Variants in C10orf90 observed in about 807,000 individuals in gnomAD.
C10orf90 encodes the protein (E2-independent) E3 ubiquitin-conjugating enzyme FATS.
C10orf90 carries 56 observed loss-of-function variants against 62.5 expected under a neutral mutation model. The ratio of observed to expected loss-of-function variants is 0.90; its 90% confidence interval spans 0.72 to 1.12. C10orf90 has a LOEUF of 1.12. C10orf90 is among the 50% of genes most tolerant of loss of function. C10orf90 has a pLI of 0.00. For missense variants in C10orf90, 970 were observed against 880.4 expected (o/e 1.10, Z -1.29); for synonymous variants, 386 against 340.4 (o/e 1.13, Z -1.47).
At chr10:126,555,447 C>A (rs946433312) in intron 2 of C10orf90, among the ~76,000 whole-genome samples, 1 of 151,582 alleles carries the variant, frequency 6.6e-6, no homozygotes, top group Admixed American at 6.6e-5. Flanking sequence ...CTGAGGCAGG[C>A]GCGATCACTT....
chr10:126,543,265 G>A (rs1282520825), intron 2 of C10orf90, among the ~76,000 whole-genome samples: 1 of 152,178 alleles, frequency 6.6e-6, no homozygotes, highest in Non-Finnish European at 1.5e-5. Flanking sequence ...AGCTCTGCCT[G>A]CCTGTCAGTC....
intron 1 of C10orf90, among the ~76,000 whole-genome samples, chr10:126,668,481 T>C (rs1564917508): frequency 1.3e-5 from 2 of 152,212 alleles, no homozygotes; most frequent in African/African-American, 2.4e-5. Context: ...TCTTCCTAAA[T>C]TTCCTAATCT....
intron 3 of C10orf90, among the ~76,000 whole-genome samples, chr10:126,506,406 C>A (rs1232974167): frequency 6.6e-6 from 1 of 152,258 alleles, no homozygotes; most frequent in Admixed American, 6.5e-5. Flanking sequence ...TGAATCCTTG[C>A]ATAGAGCTGC....
intron 7 of C10orf90, among the ~76,000 whole-genome samples, chr10:126,439,892 G>A (rs1858191045): frequency 6.6e-6 from 1 of 152,158 alleles, no homozygotes; most frequent in African/African-American, 2.4e-5. Context: ...GGTAGCAGCG[G>A]GAAAGGCCCT....
At chr10:126,620,754 A>G (rs1591150730) in intron 2 of C10orf90, among the ~76,000 whole-genome samples, 2 of 152,028 alleles carry the variant, frequency 1.3e-5, no homozygotes, top group African/African-American at 2.4e-5. Flanking sequence ...AAAAAAAAAA[A>G]AAGCTAGAAA....
chr10:126,546,852 C>A (rs556968485), intron 2 of C10orf90, among the ~76,000 whole-genome samples: 5 of 152,206 alleles, frequency 3.3e-5, no homozygotes, highest in Non-Finnish European at 5.9e-5. Flanking sequence ...CCACCAGGTG[C>A]GGTGGCTCAG....
intron 2 of C10orf90, among the ~76,000 whole-genome samples, chr10:126,604,193 G>A (rs150308511): frequency 3.2e-3 from 489 of 152,210 alleles, no homozygotes; most frequent in Non-Finnish European, 4.5e-3. Flanking sequence ...CTGACCTCTC[G>A]GCCTTGCTCG....
rs549674731 is a variant in C10orf90, at chr10:126,661,298, A to G, written c.240+8943T>C. Among the ~76,000 whole-genome samples, 3 of 152,298 alleles carry G rather than the reference A, an allele frequency of 2.0e-5. No individual in the cohort carries two copies. In the East Asian group the frequency reaches 5.8e-4, roughly 29 times the overall value. Reference sequence around the variant, plus strand: ...TTCATGGGGTACAGCCTCCATGCCAATTCCAAGGCTCAACCCTTTATATAG... The same window carrying G: ...TTCATGGGGTACAGCCTCCATGCCAGTTCCAAGGCTCAACCCTTTATATAG... On this transcript the variant is annotated intron_variant, in intron 1 of 9. Coordinates refer to ENST00000488181, the MANE Select transcript of C10orf90 (RefSeq NM_001350921.2).
In C10orf90 at chr10:126,547,220, C is replaced by T. The variant is rs190066823; in HGVS notation, c.314-33281G>A. Among the ~76,000 whole-genome samples, 26 of 152,040 alleles carry T rather than the reference C, an allele frequency of 1.7e-4. No homozygotes were observed. In the East Asian group the frequency reaches 4.8e-3, roughly 28 times the overall value. Reference sequence around the variant, plus strand: ...GGATCAGGAGGTCAGGAGATCGAGACCATCCTGGCTAACGCGGTGAAACCC... The same window carrying T: ...GGATCAGGAGGTCAGGAGATCGAGATCATCCTGGCTAACGCGGTGAAACCC... On this transcript the variant is annotated intron_variant, in intron 2 of 9. Transcript: ENST00000488181.
In C10orf90 at chr10:126,568,776, C is replaced by T. The variant is rs543040692; in HGVS notation, c.314-54837G>A. On this transcript the variant is annotated intron_variant, in intron 2 of 9. Transcript: ENST00000488181. ...AGTGGGGAAGCCAAGGGGCTCACAGCTCACAGTGCCATTTCCCAGTGTAAC... is the reference window on the plus strand; with the variant it reads ...AGTGGGGAAGCCAAGGGGCTCACAGTTCACAGTGCCATTTCCCAGTGTAAC... Among the ~76,000 whole-genome samples, 54 of 152,254 alleles carry T rather than the reference C, an allele frequency of 3.5e-4. 1 individual carries two copies. Among genetic ancestry groups the T allele is most frequent in the South Asian group, 1.7e-3 (8 of 4,820 alleles).
chr10:126,656,745 C>G (rs1591179695), intron 1 of C10orf90, among the ~76,000 whole-genome samples: 1 of 152,134 alleles, frequency 6.6e-6, no homozygotes, highest in African/African-American at 2.4e-5. Flanking sequence ...TGGAAATGGC[C>G]TATGTCACGA....
At chr10:126,495,318 G>T (rs1160423181) in intron 4 of C10orf90, among the ~76,000 whole-genome samples, 2 of 152,174 alleles carry the variant, frequency 1.3e-5, no homozygotes, top group Non-Finnish European at 2.9e-5. Context: ...GAAGCCAGGA[G>T]TGAGTGTGTT....
intron 4 of C10orf90, among the ~76,000 whole-genome samples, chr10:126,490,066 A>G (rs1299518775): frequency 4.1e-5 from 5 of 121,636 alleles, no homozygotes; most frequent in African/African-American, 9.5e-5. Context: ...TATATAATAT[A>G]TAATATATAA....
At chr10:126,604,124 A>G (rs916297178) in intron 2 of C10orf90, among the ~76,000 whole-genome samples, 1 of 152,186 alleles carries the variant, frequency 6.6e-6, no homozygotes, top group African/African-American at 2.4e-5. Context: ...CCACCTTGAC[A>G]GGATGATTCC....
chr10:126,506,038 G>T (rs1862712522), intron 3 of C10orf90, among the ~76,000 whole-genome samples: 1 of 152,180 alleles, frequency 6.6e-6, no homozygotes, highest in Non-Finnish European at 1.5e-5. Flanking sequence ...GCAATCAGAT[G>T]ATTTCACTTA....
intron 2 of C10orf90, among the ~76,000 whole-genome samples, chr10:126,536,452 G>T (rs1864240322): frequency 6.6e-6 from 1 of 152,260 alleles, no homozygotes; most frequent in South Asian, 2.1e-4. Flanking sequence ...ATCATCCCAG[G>T]CCTCACGATT....
At chr10:126,488,315 A>T (rs908695031) in intron 4 of C10orf90, among the ~76,000 whole-genome samples, 1 of 152,142 alleles carries the variant, frequency 6.6e-6, no homozygotes, top group African/African-American at 2.4e-5. Context: ...ATTTATGAGT[A>T]TATGCAGAAA....
At chr10:126,490,249 A>T (rs1861695711) in intron 4 of C10orf90, among the ~76,000 whole-genome samples, 1 of 149,070 alleles carries the variant, frequency 6.7e-6, no homozygotes, top group African/African-American at 2.5e-5. Flanking sequence ...CCCTGAGGAC[A>T]TTAAGTAAAA....
intron 2 of C10orf90, among the ~76,000 whole-genome samples, chr10:126,628,015 TA>T (rs912652473): frequency 9.2e-5 from 14 of 152,064 alleles, no homozygotes; most frequent in African/African-American, 3.1e-4. Flanking sequence ...AAGTGTCTCT[TA>T]AAAAAAAGTG....
Sources: gnomAD v4.1 joint callset for allele counts (sites outside exome capture counted in the v4.1 genomes callset) on GRCh38, gnomAD v4.1.1 for gene constraint, MANE v1.5 for transcripts, NCBI Gene and HGNC (gene_info 2026-07-23, HGNC 2026-07-21) for gene names.